RASGRF2: variants seen among roughly 807,000 people sequenced by gnomAD.
The protein encoded by RASGRF2 is Ras protein specific guanine nucleotide releasing factor 2, also known as ras-specific guanine nucleotide-releasing factor 2.
Under a neutral mutation model 151.0 loss-of-function variants are expected in RASGRF2, and 76 were observed. The ratio of observed to expected loss-of-function variants is 0.50; its 90% CI spans 0.42 to 0.61. The LOEUF (loss-of-function observed/expected upper bound fraction) is 0.61, where lower values mean the gene tolerates loss of function less well. Among genes scored for constraint, RASGRF2 ranks in the 20% least tolerant of loss-of-function variants. The pLI is 0.00. For missense variants in RASGRF2, 1,148 were observed against 1,564.6 expected, an observed-to-expected ratio of 0.73 and a Z score of 4.49; for synonymous variants, 504 against 566.5, an observed-to-expected ratio of 0.89 and a Z score of 1.57.
At chr5:81,071,781 T>C (rs536536438) in intron 4 of RASGRF2, among the ~76,000 whole-genome samples, 1 of 152,194 alleles carries the variant, frequency 6.6e-6, no homozygotes, top group African/African-American at 2.4e-5. Flanking sequence ...TGTAGTTGCA[T>C]GTAAAGAAAA....
chr5:81,224,814 T>C (rs1301476080), intron 26 of RASGRF2, among the ~76,000 whole-genome samples: 2 of 152,148 alleles, frequency 1.3e-5, no homozygotes, highest in Non-Finnish European at 2.9e-5. Flanking sequence ...ATCCCATCGA[T>C]ATGAGGTTCC....
At chr5:81,014,576 A>G in intron 1 of RASGRF2, among the ~76,000 whole-genome samples, 1 of 152,208 alleles carries the variant, frequency 6.6e-6, no homozygotes, top group East Asian at 1.9e-4. Context: ...TTGGGTTGGG[A>G]AACAGCCAAA....
At chr5:81,070,163 G>A in intron 3 of RASGRF2, 1 of 267,626 alleles carries the variant, frequency 3.7e-6, no homozygotes, top group South Asian at 5.0e-5. Flanking sequence ...CTTCAGGCGA[G>A]GGGATGGACA....
intron 1 of RASGRF2, among the ~76,000 whole-genome samples, chr5:80,976,625 G>C (rs149782212): frequency 1.6e-4 from 25 of 152,252 alleles, no homozygotes; most frequent in African/African-American, 5.8e-4. Context: ...TGTGTCTGAA[G>C]AACCCACTGT....
At chr5:81,219,618 G>A in intron 25 of RASGRF2, 92 bp from the exon 26 acceptor site, 1 of 1,059,178 alleles carries the variant, frequency 9.4e-7, no homozygotes. Context: ...TGACCCTTCT[G>A]GGAAGAGGCC....
At chr5:81,060,174 A>G (rs1276504913) in intron 2 of RASGRF2, among the ~76,000 whole-genome samples, 1 of 152,178 alleles carries the variant, frequency 6.6e-6, no homozygotes, top group Non-Finnish European at 1.5e-5. Context: ...ACACCTCCCA[A>G]TAGGCCCCAC....
chr5:80,960,452 G>T lies in RASGRF2; in HGVS notation c.-287G>T, dbSNP rs1020177981. Among the ~76,000 whole-genome samples, 33 of 149,196 alleles carry T rather than the reference G, an allele frequency of 2.2e-4. No individual in the cohort carries two copies. The highest frequency in any genetic ancestry group is 8.0e-4 in the African/African-American group (33 of 41,062). ...CGGCGGCCGGCTCGGGCGCCCTCGC[G>T]GGGCCGCGCTCCACGCGGGCGTTGG... On this transcript the variant is annotated 5_prime_UTR_variant, in exon 1 of 27. Coordinates refer to ENST00000265080, the MANE Select transcript of RASGRF2 (RefSeq NM_006909.3). The surrounding 1 kb of genome is among the most constrained non-coding windows in gnomAD (Gnocchi z 5.5).
chr5:80,969,610 G>A lies in RASGRF2; in HGVS notation c.288+8584G>A, dbSNP rs575571337. Among the ~76,000 whole-genome samples, 354 of 149,128 alleles carry A rather than the reference G, an allele frequency of 2.4e-3. 1 individual carries two copies. Among genetic ancestry groups the A allele is most frequent in the Middle Eastern group, 3.5e-3 (1 of 286 alleles). On this transcript the variant is annotated intron_variant, in intron 1 of 26. Coordinates refer to ENST00000265080, the MANE Select transcript of RASGRF2 (RefSeq NM_006909.3). ...ACTACAGGCACCCGCCACCACGCCC[G>A]GCTAATTTTTTTTTGTATTTTTAGT...
At chr5:81,150,443 T>C (rs766167874) in intron 17 of RASGRF2, among the ~76,000 whole-genome samples, 4 of 151,372 alleles carry the variant, frequency 2.6e-5, no homozygotes, top group Non-Finnish European at 5.9e-5. Context: ...TCTGCTGTTA[T>C]TATTGGCTGT....
intron 1 of RASGRF2, among the ~76,000 whole-genome samples, chr5:81,038,133 A>G (rs142321676): frequency 6.6e-6 from 1 of 152,306 alleles, no homozygotes; most frequent in African/African-American, 2.4e-5. Context: ...GTTGGTGGAC[A>G]TTTGGATTGA....
intron 22 of RASGRF2, among the ~76,000 whole-genome samples, chr5:81,211,018 C>A (rs1376355283): frequency 6.6e-6 from 1 of 152,044 alleles, no homozygotes; most frequent in Non-Finnish European, 1.5e-5. Context: ...GTAGTGCACA[C>A]CTGTGGTCCC....
intron 12 of RASGRF2, among the ~76,000 whole-genome samples, chr5:81,105,230 C>T (rs16878460): frequency 0.02 from 3,053 of 152,214 alleles, 79 homozygotes; most frequent in African/African-American, 0.058. Context: ...GCCCTTTGAA[C>T]TCATCTCCAG....
chr5:81,171,585 T>C (rs1309893947), intron 17 of RASGRF2, among the ~76,000 whole-genome samples: 1 of 152,094 alleles, frequency 6.6e-6, no homozygotes, highest in Non-Finnish European at 1.5e-5. Context: ...GTGTTCTGCA[T>C]ATTAACCATT....
chr5:81,012,993 A>C, intron 1 of RASGRF2, among the ~76,000 whole-genome samples: 1 of 152,192 alleles, frequency 6.6e-6, no homozygotes. Flanking sequence ...AAGTTTGGAG[A>C]CAACAGATTT....
intron 25 of RASGRF2, among the ~76,000 whole-genome samples, chr5:81,217,796 G>T (rs1167130860): frequency 6.7e-6 from 1 of 150,024 alleles, no homozygotes; most frequent in East Asian, 2.0e-4. Flanking sequence ...AGGCTGGAGT[G>T]CAGTGGCGCA....
intron 1 of RASGRF2, among the ~76,000 whole-genome samples, chr5:80,988,555 C>CT (rs528827135): frequency 1.3e-5 from 2 of 152,130 alleles, no homozygotes; most frequent in Non-Finnish European, 2.9e-5. Context: ...CTGCACTTCT[C>CT]TGTCAATTGC....
Position 81,086,931 on chromosome 5 carries a change from C to G in RASGRF2, c.1368C>G (p.Thr456=). 6.2e-7 allele frequency: 1 copy of G among 1,613,932 alleles called. No individual in the cohort carries two copies. The highest frequency in any genetic ancestry group is 8.5e-7 in the Non-Finnish European group (1 of 1,179,816). The change falls in exon 9 of 27, where the codon ACC becomes ACG. Residue 456 remains threonine, a synonymous_variant. Transcript: ENST00000265080. ...AGGGCTGTGACATCTTGCTGGACAC[C>G]AGCCAAACGTTCATCCGCCAAGGTA... ...IVEGCDILLD[T]SQTFIRQGSL... is the part of the protein sequence containing the mutation.
chr5:81,134,574 A>T (rs1343505356), intron 17 of RASGRF2, among the ~76,000 whole-genome samples: 1 of 152,176 alleles, frequency 6.6e-6, no homozygotes, highest in Non-Finnish European at 1.5e-5. Context: ...ATTTCTGAGG[A>T]TGGGGCACAG....
intron 26 of RASGRF2, among the ~76,000 whole-genome samples, chr5:81,222,978 A>T (rs1755886181): frequency 6.6e-6 from 1 of 152,244 alleles, no homozygotes; most frequent in Non-Finnish European, 1.5e-5. Flanking sequence ...ATTGGCAATA[A>T]GCAATTCAAA....
Sources: gnomAD v4.1 joint callset for allele counts (sites outside exome capture counted in the v4.1 genomes callset) on GRCh38, gnomAD v4.1.1 for gene constraint, Gnocchi (gnomAD v3.1) non-coding constraint, MANE v1.5 for transcripts, NCBI Gene and HGNC (gene_info 2026-07-23, HGNC 2026-07-21) for gene names.